The following BCAS3 variants were observed in gnomAD, a reference collection of about 807,000 sequenced individuals.
BCAS3 encodes the protein BCAS3 microtubule associated cell migration factor.
A neutral mutation model predicts 116.1 loss-of-function variants in BCAS3; 53 were observed. That is an observed-to-expected ratio of 0.46 (90% CI 0.37 to 0.57). BCAS3 has a LOEUF of 0.57. Among genes scored for constraint, BCAS3 ranks in the 20% least tolerant of loss-of-function variants. BCAS3 has a pLI of 0.00. For missense variants in BCAS3, 917 were observed against 1,165.4 expected, an observed-to-expected ratio of 0.79 and a Z score of 3.10; for synonymous variants, 391 against 408.2, an observed-to-expected ratio of 0.96 and a Z score of 0.51.
At chr17:61,042,740 A>G (rs1179863615) in intron 19 of BCAS3, among the ~76,000 whole-genome samples, 1 of 151,248 alleles carries the variant, frequency 6.6e-6, no homozygotes, top group East Asian at 1.9e-4. Context: ...ATACGAAAAA[A>G]TTAGCCGGGT....
chr17:60,883,901 T>C (rs62082896), intron 9 of BCAS3, among the ~76,000 whole-genome samples: 1,011 of 36,024 alleles, frequency 0.028, no homozygotes, highest in African/African-American at 0.13. Context: ...GGTCTAAAAT[T>C]CTCTTTTTTG....
intron 4 of BCAS3, among the ~76,000 whole-genome samples, chr17:60,690,350 G>A (rs1045014369): frequency 1.3e-5 from 2 of 151,884 alleles, no homozygotes; most frequent in African/African-American, 2.4e-5. Flanking sequence ...CAGGAGGATC[G>A]CTTGATCTTA....
chr17:61,164,144 G>T (rs2078342460), intron 22 of BCAS3, among the ~76,000 whole-genome samples: 3 of 144,784 alleles, frequency 2.1e-5, no homozygotes, highest in African/African-American at 5.3e-5. Context: ...AATTTATAAA[G>T]CCCTTAATAG....
At chr17:61,299,673 A>C (rs535195655) in intron 22 of BCAS3, among the ~76,000 whole-genome samples, 48 of 152,278 alleles carry the variant, frequency 3.2e-4, no homozygotes, top group African/African-American at 1.0e-3. Context: ...AGAGAGGTTT[A>C]GTTGCTTACC....
chr17:60,719,052 G>A (rs1441729757), intron 5 of BCAS3, among the ~76,000 whole-genome samples: 1 of 151,896 alleles, frequency 6.6e-6, no homozygotes, highest in Non-Finnish European at 1.5e-5. Flanking sequence ...ACAGAGCGAG[G>A]CTCTGTCTCA....
intron 12 of BCAS3, among the ~76,000 whole-genome samples, chr17:60,914,439 G>A (rs974538734): frequency 6.6e-6 from 1 of 152,134 alleles, no homozygotes; most frequent in East Asian, 1.9e-4. Context: ...AATACTCAAT[G>A]CCAGTTGTAT....
intron 6 of BCAS3, among the ~76,000 whole-genome samples, chr17:60,754,109 C>T (rs1483939276): frequency 6.6e-6 from 1 of 152,148 alleles, no homozygotes; most frequent in African/African-American, 2.4e-5. Context: ...AATCATGGCT[C>T]ACTGCAGCCT....
At chr17:61,274,622 A>G (rs976875389) in intron 22 of BCAS3, among the ~76,000 whole-genome samples, 1 of 151,988 alleles carries the variant, frequency 6.6e-6, no homozygotes, top group African/African-American at 2.4e-5. Context: ...GAACTTCCTT[A>G]TATTAAAAAC....
chr17:60,813,034 C>G (rs759144864), intron 7 of BCAS3, among the ~76,000 whole-genome samples: 53 of 152,172 alleles, frequency 3.5e-4, no homozygotes, highest in Non-Finnish European at 6.6e-4. Flanking sequence ...TGAGCCACCA[C>G]ATCTGGTCCA....
In BCAS3 at chr17:61,307,688, A is replaced by C; in HGVS notation, c.2426-60639A>C. Among the ~76,000 whole-genome samples the C allele has an allele frequency of 6.6e-6, 1 of 152,222 alleles. No individual in the cohort carries two copies. Among genetic ancestry groups the C allele is most frequent in the East Asian group, 1.9e-4 (1 of 5,196 alleles). On this transcript the variant is annotated intron_variant, in intron 22 of 23. Coordinates refer to ENST00000407086, the MANE Select transcript of BCAS3 (RefSeq NM_017679.5). The surrounding 1 kb of genome is among the most constrained non-coding windows in gnomAD (Gnocchi z 4.7). ...TTTTATGTCCAAGTGCTCTAAATAA[A>C]ATTACTTTTTCCCAAGTGTTCTAGA...
In BCAS3 at chr17:61,013,061, A is replaced by AT. The variant is rs2065217758; in HGVS notation, c.1487-2688dup. Among the ~76,000 whole-genome samples the AT allele has an allele frequency of 6.6e-6, 1 of 151,916 alleles. No individual in the cohort carries two copies. The highest frequency in any genetic ancestry group is 6.6e-5 in the Admixed American group (1 of 15,222). On this transcript the variant is annotated intron_variant, in intron 15 of 23. Transcript: ENST00000407086. This position sits in a 1 kb window ranked among gnomAD's most constrained non-coding sequence, Gnocchi z 4.4. Reference sequence around the variant, plus strand: ...TCACGTTATCCTTCATGCCCAGAATATTCCTTCTCTCCTACCCTTATCCAT... The same window carrying AT: ...TCACGTTATCCTTCATGCCCAGAATATTTCCTTCTCTCCTACCCTTATCCAT...
intron 6 of BCAS3, among the ~76,000 whole-genome samples, chr17:60,802,809 A>C (rs2047934573): frequency 2.0e-5 from 3 of 152,024 alleles, no homozygotes. Context: ...TTGTATTTTT[A>C]GTAGAGATGG....
chr17:60,855,937 C>T (rs1232955511), intron 7 of BCAS3, among the ~76,000 whole-genome samples: 1 of 152,152 alleles, frequency 6.6e-6, no homozygotes, highest in African/African-American at 2.4e-5. Flanking sequence ...CCTGCCTTGG[C>T]CTTGCACAGT....
chr17:60,889,583 A>G (rs1427442027), intron 9 of BCAS3, 112 bp from the exon 10 acceptor site: 3 of 851,526 alleles, frequency 3.5e-6, no homozygotes, highest in Non-Finnish European at 5.6e-6. Context: ...TTTATGTGAG[A>G]CTTGAAAAAA....
At chr17:61,340,185 G>C (rs1447930964) in intron 22 of BCAS3, among the ~76,000 whole-genome samples, 1 of 152,026 alleles carries the variant, frequency 6.6e-6, no homozygotes, top group Non-Finnish European at 1.5e-5. Context: ...GTAACTAGAA[G>C]AGGAAATGAG....
At chr17:60,716,944 A>G (rs1598267328) in intron 5 of BCAS3, among the ~76,000 whole-genome samples, 1 of 152,288 alleles carries the variant, frequency 6.6e-6, no homozygotes, top group African/African-American at 2.4e-5. Context: ...TGAACAAAAC[A>G]AAGTCATTCT....
At chr17:60,942,298 G>T (rs1443571200) in intron 13 of BCAS3, among the ~76,000 whole-genome samples, 2 of 152,058 alleles carry the variant, frequency 1.3e-5, no homozygotes, top group Non-Finnish European at 2.9e-5. Context: ...GTGGCGGCGG[G>T]CGCCTGTGGT....
At chr17:60,718,857 C>T (rs576663311) in intron 5 of BCAS3, among the ~76,000 whole-genome samples, 2 of 152,130 alleles carry the variant, frequency 1.3e-5, no homozygotes, top group South Asian at 2.1e-4. Context: ...GCCAGGAGAT[C>T]GAGACCATCC....
At chr17:60,680,630 A>G (rs1423563753) in intron 2 of BCAS3, among the ~76,000 whole-genome samples, 1 of 151,726 alleles carries the variant, frequency 6.6e-6, no homozygotes, top group Non-Finnish European at 1.5e-5. Context: ...TGGTTTGAAG[A>G]TATGTATACT....
Sources: gnomAD v4.1 joint callset for allele counts (sites outside exome capture counted in the v4.1 genomes callset) on GRCh38, gnomAD v4.1.1 for gene constraint, Gnocchi (gnomAD v3.1) non-coding constraint, MANE v1.5 for transcripts, NCBI Gene and HGNC (gene_info 2026-07-23, HGNC 2026-07-21) for gene names.